HIVEP3: variants seen among roughly 807,000 people sequenced by gnomAD.
The protein encoded by HIVEP3 is transcription factor HIVEP3.
In HIVEP3, 49 loss-of-function variants were observed where a neutral mutation model predicts 152.8. The observed-to-expected ratio is 0.32, with a 90% CI of 0.26 to 0.41. The LOEUF is 0.41. HIVEP3 is among the 10% of genes least tolerant of loss of function. The pLI is 1.00. For missense variants in HIVEP3, 2,790 were observed against 3,103.3 expected, an observed-to-expected ratio of 0.90 and a Z score of 2.40; for synonymous variants, 1,269 against 1,289.0, an observed-to-expected ratio of 0.98 and a Z score of 0.33.
intron 3 of HIVEP3, among the ~76,000 whole-genome samples, chr1:41,618,277 G>A (rs981691464): frequency 2.6e-5 from 4 of 152,222 alleles, no homozygotes; most frequent in East Asian, 1.9e-4. Flanking sequence ...CAGACTCTGC[G>A]GTTATGCAAT....
intron 1 of HIVEP3, among the ~76,000 whole-genome samples, chr1:41,705,668 A>G (rs534167029): frequency 1.3e-5 from 2 of 152,312 alleles, no homozygotes; most frequent in African/African-American, 4.8e-5. Flanking sequence ...GTGCTCTCAC[A>G]TCGCTGCTGG....
chr1:41,899,016 G>A (rs555871256), intron 1 of HIVEP3, among the ~76,000 whole-genome samples: 27 of 152,348 alleles, frequency 1.8e-4, no homozygotes, highest in Admixed American at 1.4e-3. Context: ...GATGCGGATG[G>A]TGAACACATG....
intron 5 of HIVEP3, among the ~76,000 whole-genome samples, chr1:41,526,100 CG>C (rs1002554305): frequency 1.3e-5 from 2 of 151,758 alleles, no homozygotes; most frequent in South Asian, 2.1e-4. Context: ...CGTGTCGGGG[CG>C]GGGGGGCTCC....
At chr1:41,578,993 T>C (rs1208046238) in intron 4 of HIVEP3, among the ~76,000 whole-genome samples, 3 of 152,248 alleles carry the variant, frequency 2.0e-5, no homozygotes, top group Non-Finnish European at 2.9e-5. Flanking sequence ...GTCTGACATT[T>C]GAAATTATTG....
chr1:41,795,723 C>T (rs984319109), intron 1 of HIVEP3, among the ~76,000 whole-genome samples: 1 of 152,074 alleles, frequency 6.6e-6, no homozygotes, highest in African/African-American at 2.4e-5. Flanking sequence ...TTATTTATTT[C>T]GGTGCTCAAA....
intron 5 of HIVEP3, among the ~76,000 whole-genome samples, chr1:41,534,423 C>A (rs186765199): frequency 6.6e-6 from 1 of 152,240 alleles, no homozygotes; most frequent in Non-Finnish European, 1.5e-5. Context: ...GCACCACCCC[C>A]TCTCCTGTAA....
intron 2 of HIVEP3, among the ~76,000 whole-genome samples, chr1:41,635,775 G>T (rs553753927): frequency 6.6e-6 from 1 of 152,210 alleles, no homozygotes; most frequent in Non-Finnish European, 1.5e-5. Context: ...ATTAAGAAAG[G>T]TGATGTAAAC....
At chr1:41,986,438 CT>C (rs34078704) in intron 1 of HIVEP3, among the ~76,000 whole-genome samples, 50,347 of 112,302 alleles carry the variant, frequency 0.45, 8,409 homozygotes, top group East Asian at 0.56. Context: ...TTGAATAGGA[CT>C]TTTTTTTTTT....
At chr1:41,557,390 G>C (rs1319045272) in intron 5 of HIVEP3, among the ~76,000 whole-genome samples, 1 of 152,192 alleles carries the variant, frequency 6.6e-6, no homozygotes, top group Admixed American at 6.5e-5. Context: ...GGTTGACTCT[G>C]ATGGAGGGGT....
intron 1 of HIVEP3, among the ~76,000 whole-genome samples, chr1:41,728,700 C>T (rs1646793743): frequency 1.3e-5 from 2 of 152,162 alleles, no homozygotes; most frequent in East Asian, 1.9e-4. Flanking sequence ...CTTCTAGGGT[C>T]AGCTTCTACA....
In HIVEP3 at chr1:41,511,316, C is replaced by T. The variant is rs1485728856; in HGVS notation, c.6406-50G>A. 6.2e-6 allele frequency: 9 copies of T among 1,457,214 alleles called. No homozygotes were observed. The South Asian group carries it at 9.4e-5, about 15-fold the overall frequency. The allele number at this position is 1,457,214 out of a possible 1,614,324, so 90.3% of individuals were successfully genotyped here. ...TAAGGTGAAGGTTACATGCTGGGCACATGGGGAGCCGAGGCCTGGAAGTGG... is the reference window on the plus strand; with the variant it reads ...TAAGGTGAAGGTTACATGCTGGGCATATGGGGAGCCGAGGCCTGGAAGTGG... On this transcript the variant is annotated intron_variant, in intron 8 of 8. Coordinates refer to ENST00000372583, the MANE Select transcript of HIVEP3 (RefSeq NM_024503.5). This position sits in a 1 kb window ranked among gnomAD's most constrained non-coding sequence, Gnocchi z 4.9.
chr1:41,677,429 C>T (rs1481204356), intron 2 of HIVEP3, among the ~76,000 whole-genome samples: 1 of 152,232 alleles, frequency 6.6e-6, no homozygotes, highest in East Asian at 1.9e-4. Flanking sequence ...AGCGGTGTGA[C>T]ATTGAGTCAG....
intron 6 of HIVEP3, among the ~76,000 whole-genome samples, chr1:41,521,736 C>T (rs1349450011): frequency 6.6e-6 from 1 of 152,198 alleles, no homozygotes; most frequent in African/African-American, 2.4e-5. Flanking sequence ...GCGGAACCTC[C>T]GATAAAAGGG....
intron 1 of HIVEP3, among the ~76,000 whole-genome samples, chr1:41,736,744 C>T (rs1646924926): frequency 6.6e-6 from 1 of 152,238 alleles, no homozygotes; most frequent in Admixed American, 6.5e-5. Flanking sequence ...AGGATGATCA[C>T]ATGTGTGTCC....
At chr1:41,934,968 C>T (rs1448889710) in intron 1 of HIVEP3, among the ~76,000 whole-genome samples, 1 of 152,070 alleles carries the variant, frequency 6.6e-6, no homozygotes, top group Non-Finnish European at 1.5e-5. Flanking sequence ...TACATGTCAC[C>T]ATTTAGTGAG....
At chr1:41,553,146 G>GGT (rs1643914503) in intron 5 of HIVEP3, among the ~76,000 whole-genome samples, 1 of 152,140 alleles carries the variant, frequency 6.6e-6, no homozygotes, top group South Asian at 2.1e-4. Flanking sequence ...TCTCTTTGTA[G>GGT]GTCTCTAAGG....
chr1:42,025,532 T>G (rs558551633), intron 1 of HIVEP3, among the ~76,000 whole-genome samples: 4 of 152,362 alleles, frequency 2.6e-5, no homozygotes, highest in African/African-American at 9.6e-5. Context: ...TCATTGCTTC[T>G]GTTGTTTCTC....
intron 1 of HIVEP3, among the ~76,000 whole-genome samples, chr1:41,900,615 T>C (rs555256046): frequency 1.3e-5 from 2 of 152,164 alleles, no homozygotes; most frequent in East Asian, 3.9e-4. Context: ...CTCTTCCAAA[T>C]TTCCCAGTAG....
chr1:41,754,779 A>G (rs1647238810), intron 1 of HIVEP3, among the ~76,000 whole-genome samples: 1 of 152,240 alleles, frequency 6.6e-6, no homozygotes, highest in East Asian at 1.9e-4. Context: ...AAAGGCAACC[A>G]AAGAAATGCA....
Sources: allele counts gnomAD v4.1 joint callset (sites outside exome capture counted in the v4.1 genomes callset), GRCh38; gene constraint gnomAD v4.1.1; non-coding constraint Gnocchi (gnomAD v3.1); transcripts MANE v1.5; gene names NCBI Gene and HGNC (gene_info 2026-07-23, HGNC 2026-07-21).